LRRTM4: variants seen among roughly 807,000 people sequenced by gnomAD.
The protein encoded by LRRTM4 is leucine-rich repeat transmembrane neuronal protein 4.
Under a neutral mutation model 47.6 loss-of-function variants are expected in LRRTM4, and 25 were observed. The ratio of observed to expected loss-of-function variants is 0.53; its 90% CI spans 0.38 to 0.73. The LOEUF is 0.73. Ranked by LOEUF, LRRTM4 falls within the 30% of genes least tolerant of loss-of-function variation. LRRTM4 has a pLI of 0.00. For synonymous variants in LRRTM4, 311 were observed against 269.5 expected (o/e 1.15, Z -1.51); for missense variants, 638 against 713.4 (o/e 0.89, Z 1.20).
intron 3 of LRRTM4, among the ~76,000 whole-genome samples, chr2:77,060,679 G>T (rs1396681240): frequency 6.6e-6 from 1 of 152,096 alleles, no homozygotes; most frequent in Non-Finnish European, 1.5e-5. Flanking sequence ...AATAGCTCTA[G>T]ATCTGGAGTT....
chr2:76,794,176 C>A (rs1274150014), intron 3 of LRRTM4, among the ~76,000 whole-genome samples: 1 of 152,152 alleles, frequency 6.6e-6, no homozygotes, highest in Non-Finnish European at 1.5e-5. Flanking sequence ...GAGTTTACTT[C>A]AGAGTAACCA....
chr2:77,516,062 T>A (rs17014232), intron 3 of LRRTM4, among the ~76,000 whole-genome samples: 2,821 of 151,890 alleles, frequency 0.019, 94 homozygotes, highest in African/African-American at 0.064. Flanking sequence ...GGACATATGA[T>A]CTTAAATGTA....
intron 3 of LRRTM4, among the ~76,000 whole-genome samples, chr2:76,949,750 A>G (rs921713678): frequency 2.0e-5 from 3 of 151,986 alleles, no homozygotes; most frequent in Admixed American, 6.6e-5. Context: ...TTGCATCACC[A>G]AACACATTAA....
intron 3 of LRRTM4, among the ~76,000 whole-genome samples, chr2:76,950,153 G>C (rs1675450516): frequency 1.3e-5 from 2 of 151,914 alleles, no homozygotes; most frequent in African/African-American, 4.8e-5. Flanking sequence ...AAACACTTCA[G>C]AGCATTTCAC....
intron 3 of LRRTM4, among the ~76,000 whole-genome samples, chr2:77,460,756 T>A (rs983061423): frequency 5.3e-5 from 8 of 152,098 alleles, no homozygotes; most frequent in African/African-American, 1.9e-4. Flanking sequence ...CTACTGGTTC[T>A]CTATTACTAA....
At chr2:77,262,681 T>G (rs1011704709) in intron 3 of LRRTM4, among the ~76,000 whole-genome samples, 5 of 151,994 alleles carry the variant, frequency 3.3e-5, no homozygotes, top group African/African-American at 4.8e-5. Context: ...TTTTCTAATA[T>G]TTGTCTCATG....
intron 3 of LRRTM4, among the ~76,000 whole-genome samples, chr2:77,285,340 T>TATATATATATATA (rs1676621332): frequency 1.3e-4 from 11 of 82,608 alleles, no homozygotes; most frequent in South Asian, 5.5e-4. Context: ...AGCATTAAAT[T>TATATATATATATA]TATATATATA....
chr2:77,434,318 G>T (rs1675504673), intron 3 of LRRTM4, among the ~76,000 whole-genome samples: 1 of 151,884 alleles, frequency 6.6e-6, no homozygotes, highest in African/African-American at 2.4e-5. Context: ...AAATAAAAAT[G>T]CTGCAAAAGA....
chr2:77,090,115 C>T lies in LRRTM4; in HGVS notation c.1552-341199G>A, dbSNP rs542046519. Among the ~76,000 whole-genome samples the T allele has an allele frequency of 1.2e-4, 18 of 152,266 alleles. No individual in the cohort carries two copies. The East Asian group carries it at 1.4e-3, about 11-fold the overall frequency. On this transcript the variant is annotated intron_variant, in intron 3 of 3. Transcript: ENST00000409884. ...CTTCCTCCGCCTCTGCTCCTCCACC[C>T]TATAATCTTTTTATCACCTCCCCTC...
At chr2:77,081,083 G>C (rs977445180) in intron 3 of LRRTM4, among the ~76,000 whole-genome samples, 1 of 151,932 alleles carries the variant, frequency 6.6e-6, no homozygotes, top group East Asian at 1.9e-4. Context: ...CCTTTCTCTA[G>C]TCTTTTCAGT....
intron 3 of LRRTM4, among the ~76,000 whole-genome samples, chr2:76,791,540 T>C (rs981133452): frequency 1.3e-5 from 2 of 152,210 alleles, no homozygotes; most frequent in Non-Finnish European, 2.9e-5. Flanking sequence ...ACACCTCTAC[T>C]TGAGCATAAA....
intron 3 of LRRTM4, among the ~76,000 whole-genome samples, chr2:77,395,056 G>C (rs1165200730): frequency 1.3e-5 from 2 of 151,946 alleles, no homozygotes; most frequent in Non-Finnish European, 2.9e-5. Flanking sequence ...AAGGGTGTGT[G>C]AATTAACCCT....
chr2:77,170,109 G>A (rs1673003439), intron 3 of LRRTM4, among the ~76,000 whole-genome samples: 1 of 152,134 alleles, frequency 6.6e-6, no homozygotes, highest in African/African-American at 2.4e-5. Flanking sequence ...TGTGATAAAA[G>A]GGACTTCACA....
chr2:77,382,601 C>G (rs1479805109), intron 3 of LRRTM4, among the ~76,000 whole-genome samples: 1 of 152,048 alleles, frequency 6.6e-6, no homozygotes, highest in East Asian at 1.9e-4. Context: ...TTTTATTTTC[C>G]TATTGTCTGC....
intron 3 of LRRTM4, among the ~76,000 whole-genome samples, chr2:77,048,282 C>G (rs11885993): frequency 0.017 from 2,657 of 151,938 alleles, 81 homozygotes; most frequent in African/African-American, 0.061. Flanking sequence ...GAAGTATTGG[C>G]GTGAGAAATT....
intron 3 of LRRTM4, among the ~76,000 whole-genome samples, chr2:77,352,878 T>C (rs577936363): frequency 2.0e-5 from 3 of 152,270 alleles, no homozygotes; most frequent in Non-Finnish European, 4.4e-5. Context: ...AGAAGCCTAA[T>C]TGGTAATATT....
intron 3 of LRRTM4, among the ~76,000 whole-genome samples, chr2:77,420,611 C>T (rs982538155): frequency 6.0e-5 from 9 of 150,622 alleles, no homozygotes; most frequent in South Asian, 4.2e-4. Flanking sequence ...AATATGACTT[C>T]GTAGTGTATG....
chr2:76,974,670 G>C (rs1573390690), intron 3 of LRRTM4, among the ~76,000 whole-genome samples: 1 of 151,552 alleles, frequency 6.6e-6, no homozygotes, highest in African/African-American at 2.4e-5. Context: ...AGTAAGTTGT[G>C]CTAGAACTTG....
intron 3 of LRRTM4, among the ~76,000 whole-genome samples, chr2:76,749,429 A>G (rs967337826): frequency 3.9e-5 from 6 of 152,128 alleles, no homozygotes; most frequent in African/African-American, 1.2e-4. Flanking sequence ...TTTGATACCT[A>G]TACACAATTG....
Sources: allele counts gnomAD v4.1 joint callset (sites outside exome capture counted in the v4.1 genomes callset), GRCh38; gene constraint gnomAD v4.1.1; transcripts MANE v1.5; gene names NCBI Gene and HGNC (gene_info 2026-07-23, HGNC 2026-07-21).